The following ITCH variants were observed in gnomAD, a reference collection of about 807,000 sequenced individuals.
The protein encoded by ITCH is E3 ubiquitin-protein ligase Itchy homolog.
In ITCH, 28 loss-of-function variants were observed where a neutral mutation model predicts 126.8. The observed-to-expected ratio is 0.22, with a 90% CI of 0.16 to 0.30. ITCH has a LOEUF of 0.30. Ranked by LOEUF, ITCH falls within the 10% of genes least tolerant of loss-of-function variation. The probability of loss-of-function intolerance (pLI) is 1.00; values close to 1 mark genes in which losing one functional copy is unlikely to be tolerated. For synonymous variants in ITCH, 342 were observed against 340.0 expected (o/e 1.01, Z -0.06); for missense variants, 631 against 1,032.4 (o/e 0.61, Z 5.33).
At chr20:34,499,592 AG>A (rs367679345) in intron 23 of ITCH, among the ~76,000 whole-genome samples, 185 of 147,104 alleles carry the variant, frequency 1.3e-3, no homozygotes, top group African/African-American at 4.4e-3. Context: ...TGGTTAGTTT[AG>A]CTAATGGTTT....
chr20:34,412,934 G>C (rs1023698271), intron 5 of ITCH, among the ~76,000 whole-genome samples: 6 of 149,988 alleles, frequency 4.0e-5, no homozygotes, highest in Non-Finnish European at 8.9e-5. Context: ...AGAGATGAAA[G>C]AAAAAAATAA....
intron 3 of ITCH, 21 bp from the exon 4 acceptor site, chr20:34,408,629 GT>G: frequency 6.3e-7 from 1 of 1,599,792 alleles, no homozygotes; most frequent in Non-Finnish European, 8.6e-7. Context: ...CTATTGAAAT[GT>G]TTTTCATTTC....
chr20:34,378,036 T>G (rs1208263737), intron 2 of ITCH, among the ~76,000 whole-genome samples: 1 of 152,132 alleles, frequency 6.6e-6, no homozygotes, highest in Non-Finnish European at 1.5e-5. Flanking sequence ...TTTTTTTTTT[T>G]TAACATACCT....
chr20:34,414,902 T>G lies in ITCH; in HGVS notation c.475+1023T>G, dbSNP rs958080587. ...CTTTTGACAATACTAATTCATTATA[T>G]GTGTGTTAGTAAATCTTACAATCTC... On this transcript the variant is annotated intron_variant, in intron 6 of 24. Coordinates refer to ENST00000374864, the MANE Select transcript of ITCH (RefSeq NM_031483.7). 2.6e-5 allele frequency among the ~76,000 whole-genome samples: 4 copies of G among 152,346 alleles called. No individual in the cohort carries two copies. The East Asian group carries it at 7.7e-4, about 29-fold the overall frequency.
intron 12 of ITCH, among the ~76,000 whole-genome samples, chr20:34,454,141 CTT>C (rs1296651082): frequency 8.4e-5 from 12 of 142,288 alleles, no homozygotes; most frequent in African/African-American, 7.7e-5. Flanking sequence ...TTATGTTTTT[CTT>C]TTTTTTTTTT....
chr20:34,467,538 GA>G (rs1181842133), intron 14 of ITCH, among the ~76,000 whole-genome samples: 2 of 147,546 alleles, frequency 1.4e-5, no homozygotes, highest in Non-Finnish European at 3.0e-5. Context: ...AAAAAAAAAA[GA>G]AAAAAAAGAT....
chr20:34,440,467 C>CTT, intron 9 of ITCH, 123 bp downstream of exon 9: 4 of 699,504 alleles, frequency 5.7e-6, no homozygotes, highest in Non-Finnish European at 9.4e-6. Flanking sequence ...TTTTTAATTT[C>CTT]TTTTTTTTTT....
chr20:34,497,613 C>CT (rs1989974456), intron 23 of ITCH, among the ~76,000 whole-genome samples: 1 of 152,178 alleles, frequency 6.6e-6, no homozygotes. Flanking sequence ...ATGTATCACT[C>CT]TGTCACCCAG....
chr20:34,489,936 T>A lies in ITCH; in HGVS notation c.2319+10T>A, dbSNP rs1481156545. ...CATGTGGTTTTGGCAGGTTTGTTTT[T>A]AAATTTATTTCTATTAGTTGACACA... On this transcript the variant is annotated intron_variant, in intron 22 of 24. Coordinates refer to ENST00000374864, the MANE Select transcript of ITCH (RefSeq NM_031483.7). 6.9e-6 allele frequency: 11 copies of A among 1,599,674 alleles called. No homozygotes were observed. The highest frequency in any genetic ancestry group is 8.6e-6 in the Non-Finnish European group (10 of 1,167,306).
intron 16 of ITCH, among the ~76,000 whole-genome samples, chr20:34,475,521 G>A (rs1462154706): frequency 1.3e-5 from 2 of 152,186 alleles, no homozygotes; most frequent in African/African-American, 2.4e-5. Context: ...CAGGCGTGGC[G>A]GCGCGTGCCT....
chr20:34,449,387 T>G, intron 11 of ITCH, 24 bp from the exon 12 acceptor site: 2 of 1,444,426 alleles, frequency 1.4e-6, no homozygotes, highest in Non-Finnish European at 1.9e-6. Context: ...GTTAATAGTT[T>G]CATCACTTTT....
intron 2 of ITCH, among the ~76,000 whole-genome samples, chr20:34,386,312 G>A (rs2038282748): frequency 6.6e-6 from 1 of 152,028 alleles, no homozygotes; most frequent in Non-Finnish European, 1.5e-5. Context: ...AAATGTTCCT[G>A]TGTTCCTTCT....
intron 6 of ITCH, among the ~76,000 whole-genome samples, chr20:34,421,955 G>T (rs1024955112): frequency 6.6e-6 from 1 of 152,156 alleles, no homozygotes; most frequent in African/African-American, 2.4e-5. Flanking sequence ...AGTTGAGGCT[G>T]CAGTGAGCTA....
intron 2 of ITCH, among the ~76,000 whole-genome samples, chr20:34,389,432 CTGTG>C (rs1354259152): frequency 3.3e-5 from 5 of 152,102 alleles, no homozygotes; most frequent in Non-Finnish European, 5.9e-5. Flanking sequence ...GCCATGCTCT[CTGTG>C]TGAGTAACAA....
intron 6 of ITCH, chr20:34,417,166 G>A (rs372715332): frequency 1.2e-5 from 8 of 679,096 alleles, no homozygotes; most frequent in East Asian, 5.5e-5. Context: ...GTGCGATCTC[G>A]GCTCACTGCA....
intron 24 of ITCH, among the ~76,000 whole-genome samples, chr20:34,505,878 G>T (rs1420374259): frequency 6.6e-6 from 1 of 152,140 alleles, no homozygotes; most frequent in Admixed American, 6.5e-5. Context: ...TTTGTGTGTA[G>T]CTTCTTTTAC....
chr20:34,479,181 G>T (rs1399101186), intron 17 of ITCH, among the ~76,000 whole-genome samples: 1 of 151,590 alleles, frequency 6.6e-6, no homozygotes, highest in African/African-American at 2.4e-5. Flanking sequence ...CACTTGATGG[G>T]GATTATTATG....
chr20:34,371,219 A>G (rs2037615819), intron 2 of ITCH, among the ~76,000 whole-genome samples: 1 of 151,804 alleles, frequency 6.6e-6, no homozygotes, highest in Non-Finnish European at 1.5e-5. Context: ...AATAGAACTA[A>G]AATATGATCC....
At chr20:34,429,654 T>C (rs1008459156) in intron 7 of ITCH, among the ~76,000 whole-genome samples, 1 of 152,188 alleles carries the variant, frequency 6.6e-6, no homozygotes, top group Non-Finnish European at 1.5e-5. Context: ...ATATAAGAAG[T>C]CTGTTTCCCC....
Sources: gnomAD v4.1 joint callset for allele counts (sites outside exome capture counted in the v4.1 genomes callset) on GRCh38, gnomAD v4.1.1 for gene constraint, MANE v1.5 for transcripts, NCBI Gene and HGNC (gene_info 2026-07-23, HGNC 2026-07-21) for gene names.